The following EXOSC9 variants were observed in gnomAD, a reference collection of about 807,000 sequenced individuals.
EXOSC9 encodes exosome component 9.
A neutral mutation model predicts 56.5 loss-of-function variants in EXOSC9; 38 were observed. That is an observed-to-expected ratio of 0.67 (90% CI 0.52 to 0.88). The LOEUF (loss-of-function observed/expected upper bound fraction) is 0.88, where lower values mean the gene tolerates loss of function less well. EXOSC9 is among the 40% of genes least tolerant of loss of function. The pLI, the probability that EXOSC9 is intolerant of heterozygous loss-of-function variation, is 0.00. For missense variants in EXOSC9, 559 were observed against 530.5 expected (o/e 1.05, Z -0.53); for synonymous variants, 170 against 170.8 (o/e 0.99, Z 0.04).
chr4:121,816,083 G>T, intron 10 of EXOSC9: 1 of 690,354 alleles, frequency 1.4e-6, no homozygotes, highest in South Asian at 2.4e-5. Flanking sequence ...TCAGCCTCGA[G>T]TAGCTGGGCC....
At chr4:121,815,695 G>T (rs1724470466) in intron 10 of EXOSC9, 1 of 985,802 alleles carries the variant, frequency 1.0e-6, no homozygotes, top group Non-Finnish European at 1.2e-6. Flanking sequence ...AAAAACACCA[G>T]CAATGCCAAA....
At position 121,816,944 on chromosome 4, in the gene EXOSC9, C is replaced by A; in HGVS notation, c.*88C>A. ...CCCTGGGTATTTTTTATTCACAAAT[C>A]CATTATAAAATCTAGCAGGATTTTA... On this transcript the variant is annotated 3_prime_UTR_variant, in exon 12 of 12. Transcript: ENST00000243498. 1.6e-6 allele frequency: 2 copies of A among 1,238,518 alleles called. No homozygotes were observed. The highest frequency in any genetic ancestry group is 2.2e-6 in the Non-Finnish European group (2 of 928,680). The allele number at this position is 1,238,518 out of a possible 1,614,324, so 76.7% of individuals were successfully genotyped here. A position where few individuals can be genotyped will look rare whatever the true frequency, so the allele number is the denominator to read the frequency against.
chr4:121,816,589 A>AC (rs1724522940), intron 11 of EXOSC9, 142 bp downstream of exon 11: 2 of 821,108 alleles, frequency 2.4e-6, no homozygotes, highest in Admixed American at 3.4e-5. Context: ...CTGTTCTGTG[A>AC]TTTTTTTACC....
At chr4:121,816,519 A>T in intron 11 of EXOSC9, 72 bp downstream of exon 11, 1 of 1,018,386 alleles carries the variant, frequency 9.8e-7, no homozygotes, top group Non-Finnish European at 1.5e-6. Context: ...CTCTGGTTTT[A>T]CTCTCATCTT....
At chr4:121,815,578 T>C (rs1724465953) in intron 10 of EXOSC9, 1 of 985,288 alleles carries the variant, frequency 1.0e-6, no homozygotes, top group South Asian at 4.7e-5. Context: ...GTTCTCAAAG[T>C]ATACAATGGC....
intron 6 of EXOSC9, among the ~76,000 whole-genome samples, chr4:121,808,880 G>T (rs966190485): frequency 6.6e-6 from 1 of 151,832 alleles, no homozygotes; most frequent in Admixed American, 6.6e-5. Context: ...TCACTACGTT[G>T]CCCAGGATGG....
intron 10 of EXOSC9, chr4:121,815,763 A>C (rs1208493312): frequency 1.0e-6 from 1 of 995,786 alleles, no homozygotes; most frequent in Non-Finnish European, 1.2e-6. Flanking sequence ...CTATTTCTGG[A>C]GGAATAGAGT....
At chr4:121,809,309 T>C (rs1254112467) in intron 6 of EXOSC9, among the ~76,000 whole-genome samples, 1 of 152,066 alleles carries the variant, frequency 6.6e-6, no homozygotes, top group East Asian at 1.9e-4. Context: ...TTTAATATTT[T>C]CCAGTAGTCA....
At chr4:121,811,310 A>G (rs1412642272) in intron 7 of EXOSC9, among the ~76,000 whole-genome samples, 1 of 152,242 alleles carries the variant, frequency 6.6e-6, no homozygotes, top group Non-Finnish European at 1.5e-5. Context: ...AAGTTAGTGC[A>G]TCCTGGAGCA....
Position 121,801,463 on chromosome 4 carries a change from C to T in EXOSC9, c.39C>T (p.Phe13=). The T allele has an allele frequency of 1.2e-6, 2 of 1,614,214 alleles. No individual in the cohort carries two copies. The highest frequency in any genetic ancestry group is 1.7e-6 in the Non-Finnish European group (2 of 1,180,040). ...ETPLSNCERR[F]LLRAIEEKKR... is the part of the protein sequence containing the mutation. ...CACTCTCAAACTGCGAACGCCGCTT[C>T]CTACTCCGTGCCATCGAAGAGAAGA... Residue 13 remains phenylalanine (F), a synonymous_variant, in exon 1 of 12, where the codon TTC becomes TTT. Transcript: ENST00000243498.
At chr4:121,807,214 C>G (rs551371353) in intron 5 of EXOSC9, among the ~76,000 whole-genome samples, 1 of 152,198 alleles carries the variant, frequency 6.6e-6, no homozygotes, top group Non-Finnish European at 1.5e-5. Flanking sequence ...CGCATGAGCC[C>G]AGGAGGCGGA....
chr4:121,806,523 A>C (rs985025214), intron 5 of EXOSC9, among the ~76,000 whole-genome samples: 9 of 152,224 alleles, frequency 5.9e-5, no homozygotes, highest in African/African-American at 2.2e-4. Flanking sequence ...ATGCCTAAGA[A>C]TCTACGGGAG....
Position 121,802,761 on chromosome 4 carries a change from T to G in EXOSC9, c.249T>G (p.Ser83=). The G allele has an allele frequency of 6.2e-7, 1 of 1,614,142 alleles. No homozygotes were observed. Among genetic ancestry groups the G allele is most frequent in the Non-Finnish European group, 8.5e-7 (1 of 1,180,012 alleles). Residue 83 remains serine (S), a synonymous_variant, in exon 3 of 12, where the codon TCT becomes TCG. Transcript: ENST00000243498. ...EGILFFNLEL[S]QMAAPAFEPG... is the part of the protein sequence containing the mutation. ...TTCTTTTTTTTAACCTTGAACTCTC[T>G]CAGATGGCCGCTCCAGCTTTCGAAC...
Position 121,816,778 on chromosome 4 carries a change from GACC to G in EXOSC9, c.1247_1249del (p.Thr416del), listed in dbSNP as rs753609531. On this transcript the variant is annotated inframe_deletion, in exon 12 of 12. Transcript: ENST00000243498. ...TACTTTGCTTTATTCACAGAACACA[GACC>G]ACCAGTGCAAAACAAGAAAAAGCAC... 9 of 1,594,808 alleles carry G rather than the reference GACC, an allele frequency of 5.6e-6. No homozygotes were observed. In the East Asian group the frequency reaches 1.6e-4, roughly 28 times the overall value.
Position 121,803,032 on chromosome 4 carries a change from C to A in EXOSC9, c.384+15C>A, listed in dbSNP as rs562931460. ...CTGGTGAAAAGGTGGGGAATATGCC[C>A]ATAATTCTTAATCTTAGGATGAATA... On this transcript the variant is annotated intron_variant, in intron 4 of 11. Coordinates refer to ENST00000243498, the MANE Select transcript of EXOSC9 (RefSeq NM_005033.3). 2.0e-6 allele frequency: 3 copies of A among 1,528,438 alleles called. No homozygotes were observed. The highest frequency in any genetic ancestry group is 2.2e-5 in the South Asian group (2 of 89,012). 94.7% of individuals were successfully genotyped at this position (1,528,438 alleles called of 1,614,324 possible).
chr4:121,802,855 TG>T, intron 3 of EXOSC9, 59 bp from the exon 4 acceptor site: 1 of 1,611,418 alleles, frequency 6.2e-7, no homozygotes, highest in Non-Finnish European at 8.5e-7. Context: ...AGTGAGCTTT[TG>T]TTTTAATACC....
At chr4:121,812,192 A>G (rs1022393759) in intron 8 of EXOSC9, among the ~76,000 whole-genome samples, 1 of 152,232 alleles carries the variant, frequency 6.6e-6, no homozygotes, top group African/African-American at 2.4e-5. Flanking sequence ...GTCTGGGTCA[A>G]GTCCAGAATT....
At chr4:121,804,529 A>C in intron 4 of EXOSC9, 93 bp from the exon 5 acceptor site, 1 of 827,424 alleles carries the variant, frequency 1.2e-6, no homozygotes, top group Non-Finnish European at 1.8e-6. Context: ...TAACAGCAAG[A>C]AAAAATAATT....
chr4:121,805,231 G>A (rs1233933193), intron 5 of EXOSC9, among the ~76,000 whole-genome samples: 2 of 152,200 alleles, frequency 1.3e-5, no homozygotes, highest in Non-Finnish European at 1.5e-5. Flanking sequence ...TTGTTAAAAC[G>A]TATAGCCAGA....
Sources: gnomAD v4.1 joint callset for allele counts (sites outside exome capture counted in the v4.1 genomes callset) on GRCh38, gnomAD v4.1.1 for gene constraint, MANE v1.5 for transcripts, NCBI Gene and HGNC (gene_info 2026-07-23, HGNC 2026-07-21) for gene names.